The following IL15 variants were observed in gnomAD, a reference collection of about 807,000 sequenced individuals.
The protein encoded by IL15 is interleukin 15, also known as interleukin-15.
A neutral mutation model predicts 19.6 loss-of-function variants in IL15; 11 were observed. The observed-to-expected ratio is 0.56, with a 90% confidence interval of 0.35 to 0.93. IL15 has a LOEUF of 0.93. IL15 is among the 40% of genes least tolerant of loss of function. IL15 has a pLI of 0.01. For missense variants in IL15, 197 were observed against 186.5 expected (o/e 1.06, Z -0.33); for synonymous variants, 58 against 59.6 (o/e 0.97, Z 0.12).
chr4:141,721,820 T>C, intron 4 of IL15, 104 bp from the exon 5 acceptor site: 2 of 1,011,472 alleles, frequency 2.0e-6, no homozygotes, highest in Non-Finnish European at 2.9e-6. Flanking sequence ...ACACTGATTT[T>C]TTCACTGGTC....
chr4:141,694,256 A>C lies in IL15; in HGVS notation c.-99-25110A>C, dbSNP rs193271392. 2.7e-3 allele frequency among the ~76,000 whole-genome samples: 405 copies of C among 152,360 alleles called. 2 individuals carry two copies. The highest frequency in any genetic ancestry group is 9.3e-3 in the African/African-American group (385 of 41,580). ...CGTGGAGAGTATTGGTTTAAGGAAA[A>C]AAGAGAAGCAGAGCGATAGTCACCT... On this transcript the variant is annotated intron_variant, in intron 2 of 7. Transcript: ENST00000320650.
intron 7 of IL15, 109 bp downstream of exon 7, chr4:141,730,093 T>G: frequency 1.2e-6 from 1 of 866,870 alleles, no homozygotes; most frequent in Admixed American, 1.8e-5. Flanking sequence ...GGAGAAGGAG[T>G]CCTGTTCCAG....
At chr4:141,637,732 CTG>C (rs1223020502) in intron 1 of IL15, among the ~76,000 whole-genome samples, 1 of 152,146 alleles carries the variant, frequency 6.6e-6, no homozygotes, top group Non-Finnish European at 1.5e-5. Flanking sequence ...AATTTCAAAA[CTG>C]GAAGTAAAGT....
intron 2 of IL15, among the ~76,000 whole-genome samples, chr4:141,657,565 CT>C (rs1481815681): frequency 3.3e-5 from 5 of 152,046 alleles, no homozygotes; most frequent in South Asian, 2.1e-4. Flanking sequence ...ATTCTGTAAG[CT>C]TTTTTTCTGT....
At chr4:141,652,416 C>T (rs1160680645) in intron 1 of IL15, among the ~76,000 whole-genome samples, 2 of 152,170 alleles carry the variant, frequency 1.3e-5, no homozygotes, top group East Asian at 1.9e-4. Flanking sequence ...AGTCCAAACA[C>T]TGCTAGTTGC....
chr4:141,663,971 A>G (rs1248157307), intron 2 of IL15, among the ~76,000 whole-genome samples: 2 of 152,082 alleles, frequency 1.3e-5, no homozygotes, highest in Non-Finnish European at 2.9e-5. Flanking sequence ...ATGCACACAA[A>G]CAAACAGAAA....
chr4:141,685,916 T>A (rs1176671565), intron 2 of IL15, among the ~76,000 whole-genome samples: 1 of 152,176 alleles, frequency 6.6e-6, no homozygotes, highest in Non-Finnish European at 1.5e-5. Flanking sequence ...TGGGGTCGCC[T>A]CATTAGTCTT....
chr4:141,665,783 G>T (rs1476117068), intron 2 of IL15, among the ~76,000 whole-genome samples: 1 of 152,036 alleles, frequency 6.6e-6, no homozygotes, highest in African/African-American at 2.4e-5. Context: ...ATATTGATGA[G>T]ACATGGAATG....
At chr4:141,718,859 A>G (rs912411046) in intron 2 of IL15, 2 of 152,156 alleles carry the variant, frequency 1.3e-5, no homozygotes, top group Admixed American at 6.6e-5. Flanking sequence ...AGGGATGTTT[A>G]ATCTTCATAT....
At chr4:141,702,264 C>T (rs965235965) in intron 2 of IL15, among the ~76,000 whole-genome samples, 3 of 152,200 alleles carry the variant, frequency 2.0e-5, no homozygotes, top group African/African-American at 7.2e-5. Flanking sequence ...ATGGTGTTCT[C>T]TCCCTTCCCC....
At chr4:141,683,277 C>T (rs1560916973) in intron 2 of IL15, among the ~76,000 whole-genome samples, 1 of 146,008 alleles carries the variant, frequency 6.8e-6, no homozygotes, top group Non-Finnish European at 1.5e-5. Flanking sequence ...CAAAAACAAA[C>T]AAAAAACAAT....
intron 1 of IL15, among the ~76,000 whole-genome samples, chr4:141,642,210 T>A (rs996847783): frequency 6.6e-6 from 1 of 152,094 alleles, no homozygotes; most frequent in African/African-American, 2.4e-5. Context: ...AGATAGGCAT[T>A]TTTTTCCTAA....
intron 1 of IL15, among the ~76,000 whole-genome samples, chr4:141,654,728 T>A (rs1470528610): frequency 3.3e-5 from 5 of 152,204 alleles, no homozygotes; most frequent in Non-Finnish European, 7.3e-5. Context: ...GTTATAATGC[T>A]TTCAAGTATG....
In IL15 at chr4:141,636,610, TG is replaced by T. The variant is rs1278816958; in HGVS notation, c.-358del. ...TTTCGCCAGGGGTTGGGACTCCGGG[TG>T]GCAGGCGCCCGGGGGAATCCCAGCT... On this transcript the variant is annotated 5_prime_UTR_variant, in exon 1 of 8. Transcript: ENST00000320650. 1 of 151,944 alleles carries T rather than the reference TG, an allele frequency of 6.6e-6. No homozygotes were observed. The allele number at this position is 151,944 out of a possible 1,614,324, so 9.4% of individuals were successfully genotyped here.
chr4:141,689,362 G>A (rs761971379), intron 2 of IL15, among the ~76,000 whole-genome samples: 8 of 152,090 alleles, frequency 5.3e-5, no homozygotes, highest in Non-Finnish European at 8.8e-5. Context: ...TGATTGGTGC[G>A]TTTACAATCC....
At chr4:141,650,431 A>G (rs778973767) in intron 1 of IL15, among the ~76,000 whole-genome samples, 4 of 152,082 alleles carry the variant, frequency 2.6e-5, no homozygotes, top group Non-Finnish European at 5.9e-5. Flanking sequence ...TACTGTTATC[A>G]TGGATTTTAT....
At chr4:141,643,855 C>T (rs966721150) in intron 1 of IL15, among the ~76,000 whole-genome samples, 1 of 151,800 alleles carries the variant, frequency 6.6e-6, no homozygotes, top group Non-Finnish European at 1.5e-5. Context: ...ATTTAGCAGT[C>T]TATTTAGCTG....
chr4:141,654,113 G>A (rs2322262), intron 1 of IL15, among the ~76,000 whole-genome samples: 114,902 of 152,152 alleles, frequency 0.76, 43,599 homozygotes, highest in East Asian at 0.99. Flanking sequence ...CATGTTCTAA[G>A]GAACAACACC....
intron 2 of IL15, among the ~76,000 whole-genome samples, chr4:141,696,782 A>G (rs897598516): frequency 1.1e-4 from 16 of 151,740 alleles, no homozygotes; most frequent in African/African-American, 3.9e-4. Context: ...GCATTTTTTC[A>G]TATGTTTGCT....
Sources: gnomAD v4.1 joint callset for allele counts (sites outside exome capture counted in the v4.1 genomes callset) on GRCh38, gnomAD v4.1.1 for gene constraint, MANE v1.5 for transcripts, NCBI Gene and HGNC (gene_info 2026-07-23, HGNC 2026-07-21) for gene names.